Variants in NEO1 observed in about 807,000 individuals in gnomAD.
The protein encoded by NEO1 is neogenin.
NEO1 carries 63 observed loss-of-function variants against 159.7 expected under a neutral mutation model. The ratio of observed to expected loss-of-function variants is 0.39; its 90% CI spans 0.32 to 0.49. The LOEUF is 0.49. NEO1 is among the 20% of genes least tolerant of loss of function. NEO1 has a pLI of 0.85. For missense variants in NEO1, 1,615 were observed against 1,831.0 expected (o/e 0.88, Z 2.15); for synonymous variants, 633 against 662.0 (o/e 0.96, Z 0.67).
chr15:73,193,741 T>A (rs2036367702), intron 7 of NEO1, among the ~76,000 whole-genome samples: 1 of 151,518 alleles, frequency 6.6e-6, no homozygotes, highest in Non-Finnish European at 1.5e-5. Flanking sequence ...TTCTACACAG[T>A]GCCAGGGTAA....
At chr15:73,178,483 C>A (rs2151958740) in intron 7 of NEO1, 56 bp downstream of exon 7, 2 of 1,593,640 alleles carry the variant, frequency 1.3e-6, no homozygotes, top group Middle Eastern at 1.7e-4. Flanking sequence ...TGAACAAGCA[C>A]CCATCCGTCC....
In NEO1 at chr15:73,218,543, T is replaced by A. The variant is rs1340005620; in HGVS notation, c.1292-17804T>A. On this transcript the variant is annotated intron_variant, in intron 7 of 28. Transcript: ENST00000261908. ...TACCTCTGGTAGAATTCGGCTGTGA[T>A]TCCATCTGGTCCTGGACTCTTTTTG... Among the ~76,000 whole-genome samples, 12 of 151,114 alleles carry A rather than the reference T, an allele frequency of 7.9e-5. No homozygotes were observed. The South Asian group carries it at 1.3e-3, about 16-fold the overall frequency.
intron 7 of NEO1, among the ~76,000 whole-genome samples, chr15:73,190,221 T>C (rs1387807730): frequency 6.6e-6 from 1 of 152,196 alleles, no homozygotes; most frequent in Non-Finnish European, 1.5e-5. Flanking sequence ...TGGCCTTTCT[T>C]CCTGTCAGTT....
chr15:73,244,063 C>T (rs1434610707), intron 8 of NEO1, among the ~76,000 whole-genome samples: 1 of 152,158 alleles, frequency 6.6e-6, no homozygotes, highest in Non-Finnish European at 1.5e-5. Flanking sequence ...TTTGAAATGG[C>T]ATTGAGAAGA....
At chr15:73,116,505 T>G (rs1208201044) in intron 1 of NEO1, 35 bp from the exon 2 acceptor site, 1 of 1,474,908 alleles carries the variant, frequency 6.8e-7, no homozygotes, top group Non-Finnish European at 9.0e-7. Flanking sequence ...GAAGAGAGAT[T>G]TGCTTAACTT....
chr15:73,139,262 A>T (rs1032567643), intron 5 of NEO1, among the ~76,000 whole-genome samples: 1 of 152,156 alleles, frequency 6.6e-6, no homozygotes, highest in Non-Finnish European at 1.5e-5. Context: ...TGGTCTTTGC[A>T]AAGACCAACG....
At chr15:73,281,536 G>A (rs146574727) in intron 22 of NEO1, among the ~76,000 whole-genome samples, 111 of 152,284 alleles carry the variant, frequency 7.3e-4, no homozygotes, top group African/African-American at 2.3e-3. Context: ...ATTAACAGGC[G>A]TGAGCCACTG....
At chr15:73,167,159 A>C (rs926905793) in intron 5 of NEO1, among the ~76,000 whole-genome samples, 1 of 150,338 alleles carries the variant, frequency 6.7e-6, no homozygotes, top group Non-Finnish European at 1.5e-5. Context: ...TAGCATTAGG[A>C]GATATACCTA....
At chr15:73,272,140 GTACGTTACCTGGTA>G (rs1448611437) in intron 18 of NEO1, among the ~76,000 whole-genome samples, 1 of 152,170 alleles carries the variant, frequency 6.6e-6, no homozygotes, top group African/African-American at 2.4e-5. Context: ...GATACTATGT[GTACGTTACCTGGTA>G]TACGGTAGGT....
intron 22 of NEO1, 87 bp downstream of exon 22, chr15:73,278,286 T>C (rs1023133776): frequency 2.5e-5 from 29 of 1,172,462 alleles, no homozygotes; most frequent in Middle Eastern, 2.0e-4. Flanking sequence ...ATAGCTTGTG[T>C]GTGGTGGGTT....
intron 1 of NEO1, among the ~76,000 whole-genome samples, chr15:73,055,776 A>G (rs889111126): frequency 6.6e-6 from 1 of 152,162 alleles, no homozygotes; most frequent in Non-Finnish European, 1.5e-5. Context: ...GAAGGATTGC[A>G]TGGATTTGTC....
chr15:73,144,581 G>A (rs4539561), intron 5 of NEO1, among the ~76,000 whole-genome samples: 19,157 of 151,844 alleles, frequency 0.13, 1,822 homozygotes, highest in African/African-American at 0.26. Context: ...AACTATTAGT[G>A]TTCCACCGAG....
At chr15:73,095,365 G>A (rs1040661974) in intron 1 of NEO1, among the ~76,000 whole-genome samples, 6 of 152,092 alleles carry the variant, frequency 3.9e-5, no homozygotes, top group Non-Finnish European at 8.8e-5. Context: ...ACTGTGTGTA[G>A]CCTGAAAAGC....
intron 7 of NEO1, among the ~76,000 whole-genome samples, chr15:73,210,315 C>A (rs2037487647): frequency 6.6e-6 from 1 of 152,174 alleles, no homozygotes; most frequent in African/African-American, 2.4e-5. Context: ...CTCCCAGGAG[C>A]CTGGCTGTGA....
At chr15:73,263,381 A>G (rs975195361) in intron 15 of NEO1, among the ~76,000 whole-genome samples, 24 of 152,024 alleles carry the variant, frequency 1.6e-4, no homozygotes, top group South Asian at 8.3e-4. Context: ...TTTGGTAGAG[A>G]TGGGGTTTCA....
At chr15:73,067,025 A>G (rs543597787) in intron 1 of NEO1, among the ~76,000 whole-genome samples, 1 of 152,272 alleles carries the variant, frequency 6.6e-6, no homozygotes, top group Admixed American at 6.5e-5. Context: ...CATCTACTCT[A>G]TCATTCCTGA....
chr15:73,127,309 A>T (rs945854385), intron 4 of NEO1, among the ~76,000 whole-genome samples: 1 of 151,672 alleles, frequency 6.6e-6, no homozygotes, highest in Non-Finnish European at 1.5e-5. Flanking sequence ...CAAATTCTTC[A>T]TCTTTCACAA....
chr15:73,268,350 A>C (rs1483822633), intron 16 of NEO1, among the ~76,000 whole-genome samples: 1 of 152,230 alleles, frequency 6.6e-6, no homozygotes, highest in Non-Finnish European at 1.5e-5. Context: ...AGAAATACAC[A>C]AGAAAATGTT....
rs1040046728 is a variant in NEO1, at chr15:73,107,746, A to G, written c.131-8794A>G. ...ATATTATCATTGCAGCCATATTTTC[A>G]TCAGTATAGCAAAAGTGGAACTGAA... On this transcript the variant is annotated intron_variant, in intron 1 of 28. Coordinates refer to ENST00000261908, the MANE Select transcript of NEO1 (RefSeq NM_002499.4). 3.3e-5 allele frequency among the ~76,000 whole-genome samples: 5 copies of G among 152,344 alleles called. No homozygotes were observed. The South Asian group carries it at 8.3e-4, about 25-fold the overall frequency.
Sources: allele counts gnomAD v4.1 joint callset (sites outside exome capture counted in the v4.1 genomes callset), GRCh38; gene constraint gnomAD v4.1.1; transcripts MANE v1.5; gene names NCBI Gene and HGNC (gene_info 2026-07-23, HGNC 2026-07-21).